Variants in DCP1A observed in about 807,000 individuals in gnomAD.
DCP1A encodes the protein mRNA-decapping enzyme 1A.
Under a neutral mutation model 58.0 loss-of-function variants are expected in DCP1A, and 20 were observed. The observed-to-expected ratio is 0.34, with a 90% confidence interval of 0.24 to 0.50. The LOEUF (loss-of-function observed/expected upper bound fraction) is 0.50, where lower values mean the gene tolerates loss of function less well. DCP1A is among the 20% of genes least tolerant of loss of function. The pLI is 0.98. For synonymous variants in DCP1A, 285 were observed against 275.1 expected (o/e 1.04, Z -0.36); for missense variants, 613 against 712.2 (o/e 0.86, Z 1.59).
intron 3 of DCP1A, among the ~76,000 whole-genome samples, chr3:53,332,083 C>G (rs149942640): frequency 6.6e-6 from 1 of 152,184 alleles, no homozygotes; most frequent in Non-Finnish European, 1.5e-5. Flanking sequence ...TAGTGAATCA[C>G]AGAAGCATGA....
chr3:53,292,693 C>A lies in DCP1A; in HGVS notation c.759G>T (p.Glu253Asp). The change falls in exon 7 of 10, where the codon GAG (glutamate) becomes GAT (aspartate). Residue 253 changes from glutamate (E) to aspartate (D), a missense_variant. Glu to Asp is a conservative substitution (Grantham distance 45). Around this residue, in one of 3 missense-constraint regions of DCP1A, gnomAD observed 498 missense variants for 556.7 expected, o/e 0.89. Transcript: ENST00000610213. ...AGGGAAATGGTAGGAATGAATTGGG[C>A]TCTTTCTGGGAGGCATCTCCTGGCA... is the stretch of plus-strand genomic sequence containing the variant. ...ERLPGDASQK[E>D]PNSFLPFPFE... 5.6e-6 allele frequency: 9 copies of A among 1,613,796 alleles called. No individual in the cohort carries two copies. Among genetic ancestry groups the A allele is most frequent in the Non-Finnish European group, 7.6e-6 (9 of 1,179,848 alleles).
intron 5 of DCP1A, among the ~76,000 whole-genome samples, chr3:53,304,698 G>A (rs1044796040): frequency 2.0e-5 from 3 of 151,922 alleles, no homozygotes; most frequent in South Asian, 2.1e-4. Context: ...TCAGCCTCCC[G>A]AGTAGCTGGG....
rs782630686 is a variant in DCP1A, at chr3:53,312,370, T to C, written c.381A>G (p.Glu127=). The change falls in exon 5 of 10, where the codon GAA becomes GAG. Residue 127 remains glutamate (E), a synonymous_variant. Coordinates refer to ENST00000610213, the MANE Select transcript of DCP1A (RefSeq NM_018403.7). ...RIAKLMADVV[E]EETRRSQQAA... is the part of the protein sequence containing the mutation. Reference sequence around the variant, plus strand: ...CTTGCTGGGATCGCCGTGTCTCCTCTTCTACCACACTAGAGGAGAAGAACA... The same window carrying C: ...CTTGCTGGGATCGCCGTGTCTCCTCCTCTACCACACTAGAGGAGAAGAACA... 6.2e-7 allele frequency: 1 copy of C among 1,604,866 alleles called. No individual in the cohort carries two copies. Among genetic ancestry groups the C allele is most frequent in the East Asian group, 2.2e-5 (1 of 44,764 alleles).
chr3:53,303,907 T>C (rs1411479621), intron 6 of DCP1A, among the ~76,000 whole-genome samples: 1 of 152,140 alleles, frequency 6.6e-6, no homozygotes, highest in Non-Finnish European at 1.5e-5. Context: ...AGTGCCATGA[T>C]CTGACTTATG....
At chr3:53,340,007 A>T (rs782118120) in intron 3 of DCP1A, among the ~76,000 whole-genome samples, 14 of 152,062 alleles carry the variant, frequency 9.2e-5, no homozygotes, top group Non-Finnish European at 1.6e-4. Context: ...TGCAGCCTGG[A>T]CAGCCTCCTG....
At chr3:53,294,415 C>T (rs1265445072) in intron 6 of DCP1A, among the ~76,000 whole-genome samples, 1 of 152,068 alleles carries the variant, frequency 6.6e-6, no homozygotes, top group South Asian at 2.1e-4. Flanking sequence ...ACTGCCTGGG[C>T]AGGCCAGCCC....
chr3:53,288,008 T>C (rs986283642), intron 9 of DCP1A, 57 bp downstream of exon 9: 21 of 1,488,380 alleles, frequency 1.4e-5, no homozygotes, highest in East Asian at 2.3e-5. Flanking sequence ...GAGGAATTTA[T>C]AAAATTTCTT....
chr3:53,329,520 G>C (rs1169694177), intron 3 of DCP1A: 1 of 393,838 alleles, frequency 2.5e-6, no homozygotes, highest in African/African-American at 2.1e-5. Flanking sequence ...TGTCTTTTTC[G>C]GTTAAGCAAG....
intron 2 of DCP1A, among the ~76,000 whole-genome samples, chr3:53,343,082 T>C (rs188546944): frequency 5.3e-5 from 8 of 152,376 alleles, no homozygotes; most frequent in Non-Finnish European, 1.5e-5. Context: ...TCTTCACATG[T>C]ACCTAACACT....
chr3:53,347,470 C>T lies in DCP1A; in HGVS notation c.48G>A (p.Leu16=). The part of the protein sequence containing the change: ...RAGQEMSLAA[L]KQHDPYITSI... Reference sequence around the variant, plus strand: ...TGGTGATATAGGGGTCGTGTTGCTTCAGGGCCGCTAGGCTCATCTCCTGCC... The same window carrying T: ...TGGTGATATAGGGGTCGTGTTGCTTTAGGGCCGCTAGGCTCATCTCCTGCC... Residue 16 remains leucine, a synonymous_variant, in exon 1 of 10, where the codon CTG becomes CTA. Coordinates refer to ENST00000610213, the MANE Select transcript of DCP1A (RefSeq NM_018403.7). 1 of 1,613,660 alleles carries T rather than the reference C, an allele frequency of 6.2e-7. No individual in the cohort carries two copies. Among genetic ancestry groups the T allele is most frequent in the Non-Finnish European group, 8.5e-7 (1 of 1,179,694 alleles).
chr3:53,311,466 T>G (rs73843118), intron 5 of DCP1A, among the ~76,000 whole-genome samples: 3,627 of 152,258 alleles, frequency 0.024, 147 homozygotes, highest in South Asian at 0.15. Flanking sequence ...AGGTATTGAA[T>G]AAATTAACGA....
intron 3 of DCP1A, among the ~76,000 whole-genome samples, chr3:53,329,824 G>A (rs1480281016): frequency 6.6e-6 from 1 of 152,194 alleles, no homozygotes; most frequent in African/African-American, 2.4e-5. Flanking sequence ...GGTGTTACAT[G>A]AAGGAAACAT....
In DCP1A at chr3:53,283,470, TA is replaced by T. The variant is rs1300530590; in HGVS notation, c.*4109del. On this transcript the variant is annotated 3_prime_UTR_variant, in exon 10 of 10. Transcript: ENST00000610213. ...GTTTTGAAATTTTATTAAAAAAATA[TA>T]TTTGCAAACATATAAAATTTAAGAT... 1.3e-5 allele frequency: 2 copies of T among 152,254 alleles called. No homozygotes were observed. Among genetic ancestry groups the T allele is most frequent in the African/African-American group, 4.8e-5 (2 of 41,476 alleles). The allele number at this position is 152,254 out of a possible 1,614,324, so 9.4% of individuals were successfully genotyped here.
intron 2 of DCP1A, 31 bp downstream of exon 2, chr3:53,344,871 A>G (rs1049986772): frequency 6.5e-7 from 1 of 1,528,856 alleles, no homozygotes; most frequent in Non-Finnish European, 9.0e-7. Flanking sequence ...CTAGACTGTT[A>G]AAAACAAATA....
At chr3:53,302,566 T>G (rs1707343567) in intron 6 of DCP1A, among the ~76,000 whole-genome samples, 1 of 152,224 alleles carries the variant, frequency 6.6e-6, no homozygotes, top group Non-Finnish European at 1.5e-5. Context: ...GAAACCTTAG[T>G]GAGAAAATAA....
chr3:53,338,587 C>T (rs1226642054), intron 3 of DCP1A, among the ~76,000 whole-genome samples: 4 of 152,002 alleles, frequency 2.6e-5, no homozygotes, highest in Non-Finnish European at 5.9e-5. Context: ...CTTGGCTGGG[C>T]GCGGTGGCTC....
In DCP1A at chr3:53,304,307, G is replaced by T; in HGVS notation, c.511-17C>A. On this transcript the variant is annotated splice_polypyrimidine_tract_variant and intron_variant, in intron 5 of 9. Coordinates refer to ENST00000610213, the MANE Select transcript of DCP1A (RefSeq NM_018403.7). ...CATCTGATTCTTTAAAAAGTTAAAAGAAAAAAATATATCTTGTGAAAAAAA... is the reference window on the plus strand; with the variant it reads ...CATCTGATTCTTTAAAAAGTTAAAATAAAAAAATATATCTTGTGAAAAAAA... The T allele has an allele frequency of 6.4e-7, 1 of 1,573,474 alleles. No homozygotes were observed. Among genetic ancestry groups the T allele is most frequent in the East Asian group, 2.2e-5 (1 of 44,570 alleles).
At chr3:53,338,658 G>A (rs1008254390) in intron 3 of DCP1A, among the ~76,000 whole-genome samples, 11 of 151,998 alleles carry the variant, frequency 7.2e-5, no homozygotes, top group Non-Finnish European at 1.2e-4. Context: ...TCAGGAGATC[G>A]AGACCATCCT....
intron 7 of DCP1A, among the ~76,000 whole-genome samples, chr3:53,291,356 T>C (rs782466937): frequency 6.6e-6 from 1 of 152,166 alleles, no homozygotes; most frequent in Non-Finnish European, 1.5e-5. Context: ...TTTCATTATT[T>C]TAAAATATAT....
Sources: allele counts gnomAD v4.1 joint callset (sites outside exome capture counted in the v4.1 genomes callset), GRCh38; gene constraint gnomAD v4.1.1; regional missense constraint gnomAD v4.1.1; transcripts MANE v1.5; gene names NCBI Gene and HGNC (gene_info 2026-07-23, HGNC 2026-07-21).